Variants in SULF2 observed in about 807,000 individuals in gnomAD.
SULF2 encodes sulfatase 2.
SULF2 carries 52 observed loss-of-function variants against 107.7 expected under a neutral mutation model. That is an observed-to-expected ratio of 0.48 (90% CI 0.39 to 0.61). SULF2 has a LOEUF of 0.61. SULF2 is among the 20% of genes least tolerant of loss of function. The pLI is 0.00. For missense variants in SULF2, 993 were observed against 1,177.3 expected (o/e 0.84, Z 2.29); for synonymous variants, 460 against 464.3 (o/e 0.99, Z 0.12).
chr20:47,759,234 C>T (rs879307273), intron 1 of SULF2, among the ~76,000 whole-genome samples: 7 of 152,318 alleles, frequency 4.6e-5, no homozygotes, highest in East Asian at 1.9e-4. Flanking sequence ...TCATGGCTCA[C>T]AGGATAAGAT....
intron 5 of SULF2, among the ~76,000 whole-genome samples, chr20:47,687,756 G>A (rs564738161): frequency 6.6e-6 from 1 of 151,750 alleles, no homozygotes. Context: ...CACTCAGGCT[G>A]GAGTGTAGTG....
At chr20:47,667,122 T>G (rs899574948) in intron 11 of SULF2, among the ~76,000 whole-genome samples, 3 of 152,096 alleles carry the variant, frequency 2.0e-5, no homozygotes, top group Non-Finnish European at 4.4e-5. Context: ...AAATGGTGAG[T>G]TTGATGTTAT....
intron 2 of SULF2, among the ~76,000 whole-genome samples, chr20:47,740,303 G>A (rs530024540): frequency 6.6e-6 from 1 of 152,304 alleles, no homozygotes; most frequent in Admixed American, 6.5e-5. Flanking sequence ...TGAGTTTCAC[G>A]TTCACAAAAT....
At position 47,736,878 on chromosome 20, in the gene SULF2, G is replaced by A. The variant is rs774146908; in HGVS notation, c.240C>T (p.Asn80=). The A allele has an allele frequency of 1.6e-5, 26 of 1,614,246 alleles. No individual in the cohort carries two copies. The highest frequency in any genetic ancestry group is 5.5e-5 in the South Asian group (5 of 91,090). ...AGCACATGGGTGTGGTCACGAAGGC[G>A]TTGATGAAGTGCGCCCCGCCCTGCT... ...IMEQGGAHFI[N]AFVTTPMCCP... is the part of the protein sequence containing the mutation. The change falls in exon 3 of 21, where the codon AAC becomes AAT. Residue 80 remains asparagine, a synonymous_variant. Coordinates refer to ENST00000688720, the MANE Select transcript of SULF2 (RefSeq NM_001387048.1).
At chr20:47,740,075 G>A (rs1338668721) in intron 2 of SULF2, among the ~76,000 whole-genome samples, 6 of 152,214 alleles carry the variant, frequency 3.9e-5, no homozygotes. Context: ...TATTCCTGGG[G>A]AAGAGGGCAG....
intron 1 of SULF2, among the ~76,000 whole-genome samples, chr20:47,782,895 T>C (rs2090857602): frequency 6.6e-6 from 1 of 152,194 alleles, no homozygotes; most frequent in Admixed American, 6.5e-5. Flanking sequence ...GAAGGTGTTT[T>C]CTTCCCCTGC....
intron 1 of SULF2, among the ~76,000 whole-genome samples, chr20:47,772,554 T>C (rs1378047192): frequency 1.3e-5 from 2 of 152,150 alleles, no homozygotes; most frequent in African/African-American, 4.8e-5. Context: ...GATTCCCTCC[T>C]TGATGACCCA....
intron 4 of SULF2, among the ~76,000 whole-genome samples, chr20:47,691,912 A>T (rs191644224): frequency 3.5e-4 from 53 of 152,274 alleles, no homozygotes; most frequent in Non-Finnish European, 5.9e-4. Context: ...TCATGGAGCA[A>T]AAAATGGAGC....
rs1430792754 is a variant in SULF2, at chr20:47,676,553, G to A, written c.1321C>T (p.Arg441Cys). The A allele has an allele frequency of 2.5e-6, 4 of 1,589,406 alleles. No individual in the cohort carries two copies. The highest frequency in any genetic ancestry group is 3.4e-6 in the Non-Finnish European group (4 of 1,167,706). ...GCACGCTGACACAGGTCCTTCACACGCTGGTACTTGGGCAGAAAGTTCTCC... is the reference window on the plus strand; with the variant it reads ...GCACGCTGACACAGGTCCTTCACACACTGGTACTTGGGCAGAAAGTTCTCC... The part of the protein sequence containing the change: ...QEENFLPKYQ[R>C]VKDLCQRAEY... The change falls in exon 10 of 21, where the codon CGT (arginine) becomes TGT (cysteine). Residue 441 changes from arginine (R) to cysteine (C), a missense_variant. This residue lies in a region of SULF2 where 108 missense variants were observed against 183.9 expected (regional missense o/e 0.59). Transcript: ENST00000688720.
chr20:47,672,567 C>A (rs559751782), intron 10 of SULF2, 174 bp from the exon 11 acceptor site: 60 of 984,958 alleles, frequency 6.1e-5, no homozygotes, highest in Admixed American at 1.2e-4. Flanking sequence ...ACTGCTTGAA[C>A]CTTGGGCAGA....
At chr20:47,679,001 G>GC (rs1453563138) in intron 7 of SULF2, among the ~76,000 whole-genome samples, 197 bp from the exon 8 acceptor site, 14 of 102,970 alleles carry the variant, frequency 1.4e-4, no homozygotes, top group South Asian at 3.0e-4. Flanking sequence ...CTCTGTGCTC[G>GC]CCCCCCCTTA....
At chr20:47,782,994 C>T (rs528225522) in intron 1 of SULF2, among the ~76,000 whole-genome samples, 2 of 152,194 alleles carry the variant, frequency 1.3e-5, no homozygotes, top group Non-Finnish European at 2.9e-5. Context: ...TTGAGGGCCT[C>T]TTGAATCCCA....
At chr20:47,774,014 G>A (rs1461325909) in intron 1 of SULF2, among the ~76,000 whole-genome samples, 1 of 152,232 alleles carries the variant, frequency 6.6e-6, no homozygotes, top group Non-Finnish European at 1.5e-5. Context: ...CAGCCAGCTT[G>A]CCCCTGCTAT....
intron 17 of SULF2, among the ~76,000 whole-genome samples, 178 bp downstream of exon 17, chr20:47,662,892 A>AAAGCAGGGTGATGGAGGCAAAAAGC (rs1237092936): frequency 6.6e-6 from 1 of 152,132 alleles, no homozygotes; most frequent in Non-Finnish European, 1.5e-5. Flanking sequence ...ATGGAGGCAA[A>AAAGCAGGGTGATGGAGGCAAAAAGC]AAAGGCTGAT....
At chr20:47,763,379 G>A (rs1383481988) in intron 1 of SULF2, among the ~76,000 whole-genome samples, 3 of 152,316 alleles carry the variant, frequency 2.0e-5, no homozygotes, top group African/African-American at 4.8e-5. Context: ...AAACCACAGC[G>A]GTGAACAAAC....
chr20:47,712,533 C>T (rs533034213), intron 3 of SULF2, among the ~76,000 whole-genome samples: 74 of 152,274 alleles, frequency 4.9e-4, no homozygotes, highest in African/African-American at 1.3e-3. Context: ...GTGTGGGGTC[C>T]GTAAGGCAGG....
At chr20:47,679,778 G>A (rs1479788490) in intron 7 of SULF2, among the ~76,000 whole-genome samples, 1 of 152,182 alleles carries the variant, frequency 6.6e-6, no homozygotes, top group Non-Finnish European at 1.5e-5. Flanking sequence ...GTACATGTGT[G>A]TTGTCTTAAG....
In SULF2 at chr20:47,690,300, G is replaced by C; in HGVS notation, c.568-5C>G. On this transcript the variant is annotated splice_polypyrimidine_tract_variant and splice_region_variant and intron_variant, in intron 4 of 20. Coordinates refer to ENST00000688720, the MANE Select transcript of SULF2 (RefSeq NM_001387048.1). ...GATGAGGTCTGTGAGGTAATCCTGG[G>C]GGGTGGGGAGAGACAGGAGAACAGG... 6.8e-7 allele frequency: 1 copy of C among 1,464,768 alleles called. No homozygotes were observed. The highest frequency in any genetic ancestry group is 9.1e-7 in the Non-Finnish European group (1 of 1,099,196). 90.7% of individuals were successfully genotyped at this position (1,464,768 alleles called of 1,614,324 possible). A position where few individuals can be genotyped will look rare whatever the true frequency, so the allele number is the denominator to read the frequency against.
intron 4 of SULF2, among the ~76,000 whole-genome samples, chr20:47,702,094 G>A (rs540670939): frequency 6.6e-6 from 1 of 152,256 alleles, no homozygotes; most frequent in South Asian, 2.1e-4. Context: ...GTCTTGCTCC[G>A]TCACCTAGGC....
Sources: allele counts gnomAD v4.1 joint callset (sites outside exome capture counted in the v4.1 genomes callset), GRCh38; gene constraint gnomAD v4.1.1; regional missense constraint gnomAD v4.1.1; transcripts MANE v1.5; gene names NCBI Gene and HGNC (gene_info 2026-07-23, HGNC 2026-07-21).